The following PLEKHA3 variants were observed in gnomAD, a reference collection of about 807,000 sequenced individuals.
The protein encoded by PLEKHA3 is pleckstrin homology domain containing A3, also known as pleckstrin homology domain-containing family A member 3.
A neutral mutation model predicts 39.2 loss-of-function variants in PLEKHA3; 19 were observed. That is an observed-to-expected ratio of 0.48 (90% CI 0.34 to 0.71). The LOEUF is 0.71. Among genes scored for constraint, PLEKHA3 ranks in the 30% least tolerant of loss-of-function variants. The pLI, the probability that PLEKHA3 is intolerant of heterozygous loss-of-function variation, is 0.01. For missense variants in PLEKHA3, 253 were observed against 359.5 expected (o/e 0.70, Z 2.40); for synonymous variants, 97 against 118.6 (o/e 0.82, Z 1.18).
At chr2:178,493,007 A>T (rs1685377859) in intron 3 of PLEKHA3, among the ~76,000 whole-genome samples, 1 of 152,254 alleles carries the variant, frequency 6.6e-6, no homozygotes, top group Non-Finnish European at 1.5e-5. Context: ...AAATGCGCAG[A>T]TAGAGCTGCT....
chr2:178,515,319 C>T lies in PLEKHA3; in HGVS notation c.*11432C>T, dbSNP rs1456697679. On this transcript the variant is annotated 3_prime_UTR_variant, in exon 8 of 8. Coordinates refer to ENST00000234453, the MANE Select transcript of PLEKHA3 (RefSeq NM_019091.4). The stretch of plus-strand genomic sequence containing the variant: ...TTTCCTTTCTACCTGTCCTGAAGAG[C>T]TCTTATGGAAATCATGGTTGAATGT... 1 of 152,040 alleles carries T rather than the reference C, an allele frequency of 6.6e-6. No individual in the cohort carries two copies. The highest frequency in any genetic ancestry group is 1.9e-4 in the East Asian group (1 of 5,192). The allele number at this position is 152,040 out of a possible 1,614,324, so 9.4% of individuals were successfully genotyped here.
rs1488367441 is a variant in PLEKHA3, at chr2:178,506,576, A to C, written c.*2689A>C. 1.3e-5 allele frequency: 2 copies of C among 152,208 alleles called. No individual in the cohort carries two copies. The highest frequency in any genetic ancestry group is 2.9e-5 in the Non-Finnish European group (2 of 68,032). 9.4% of individuals were successfully genotyped at this position (152,208 alleles called of 1,614,324 possible). On this transcript the variant is annotated 3_prime_UTR_variant, in exon 8 of 8. Transcript: ENST00000234453. The stretch of plus-strand genomic sequence containing the variant: ...TTGTAGTTTTTCAGTATGTATTATC[A>C]CATTTAGAAATGTAAAAATCACAAG...
rs1575151174 is a variant in PLEKHA3, at chr2:178,515,067, A to G, written c.*11180A>G. ...CTTTTTTTTTTTTTTTTTTTGTAGCATATGGCTTCCTCTACTGTATGTTGG... is the reference window on the plus strand; with the variant it reads ...CTTTTTTTTTTTTTTTTTTTGTAGCGTATGGCTTCCTCTACTGTATGTTGG... On this transcript the variant is annotated 3_prime_UTR_variant, in exon 8 of 8. Coordinates refer to ENST00000234453, the MANE Select transcript of PLEKHA3 (RefSeq NM_019091.4). 2 of 132,834 alleles carry G rather than the reference A, an allele frequency of 1.5e-5. No homozygotes were observed. Among genetic ancestry groups the G allele is most frequent in the Middle Eastern group, 8.2e-3 (2 of 244 alleles). 8.2% of individuals were successfully genotyped at this position (132,834 alleles called of 1,614,324 possible).
chr2:178,507,019 A>T lies in PLEKHA3; in HGVS notation c.*3132A>T, dbSNP rs1392737648. On this transcript the variant is annotated 3_prime_UTR_variant, in exon 8 of 8. Transcript: ENST00000234453. ...AATGTACATAGTTTGAAAAAATCAA[A>T]TAGAACTAAAAGGTTTATAGTGAAA... The T allele has an allele frequency of 6.6e-6, 1 of 152,162 alleles. No individual in the cohort carries two copies. The highest frequency in any genetic ancestry group is 1.5e-5 in the Non-Finnish European group (1 of 68,028). The allele number at this position is 152,162 out of a possible 1,614,324, so 9.4% of individuals were successfully genotyped here.
At chr2:178,498,447 A>G (rs1372317119) in intron 5 of PLEKHA3, among the ~76,000 whole-genome samples, 1 of 152,214 alleles carries the variant, frequency 6.6e-6, no homozygotes, top group East Asian at 1.9e-4. Context: ...GCTCATGTAT[A>G]CAAAAGCAAC....
In PLEKHA3 at chr2:178,516,223, G is replaced by A. The variant is rs1334348884; in HGVS notation, c.*12336G>A. Reference sequence around the variant, plus strand: ...TCTAAATTAACTTAGAAACCTAATAGCAAATACAGATTTTGATTGCTATAA... The same window carrying A: ...TCTAAATTAACTTAGAAACCTAATAACAAATACAGATTTTGATTGCTATAA... On this transcript the variant is annotated 3_prime_UTR_variant, in exon 8 of 8. Coordinates refer to ENST00000234453, the MANE Select transcript of PLEKHA3 (RefSeq NM_019091.4). The A allele has an allele frequency of 1.3e-5, 2 of 152,036 alleles. No homozygotes were observed. Among genetic ancestry groups the A allele is most frequent in the African/African-American group, 4.8e-5 (2 of 41,418 alleles). 9.4% of individuals were successfully genotyped at this position (152,036 alleles called of 1,614,324 possible). A position where few individuals can be genotyped will look rare whatever the true frequency, so the allele number is the denominator to read the frequency against.
chr2:178,495,728 G>C, intron 5 of PLEKHA3, 68 bp downstream of exon 5: 21 of 1,503,946 alleles, frequency 1.4e-5, no homozygotes, highest in Non-Finnish European at 1.9e-5. Flanking sequence ...TTTCATTTTG[G>C]TATTTATTTT....
intron 2 of PLEKHA3, among the ~76,000 whole-genome samples, chr2:178,486,825 AT>A (rs1480380415): frequency 6.6e-6 from 1 of 152,218 alleles, no homozygotes; most frequent in Non-Finnish European, 1.5e-5. Flanking sequence ...TAAAGCTGCC[AT>A]AAACATTCTT....
In PLEKHA3 at chr2:178,515,840, T is replaced by TG. The variant is rs1685754749; in HGVS notation, c.*11954dup. The TG allele has an allele frequency of 1.3e-5, 2 of 152,094 alleles. No homozygotes were observed. Among genetic ancestry groups the TG allele is most frequent in the African/African-American group, 4.8e-5 (2 of 41,442 alleles). 9.4% of individuals were successfully genotyped at this position (152,094 alleles called of 1,614,324 possible). On this transcript the variant is annotated 3_prime_UTR_variant, in exon 8 of 8. Transcript: ENST00000234453. Reference sequence around the variant, plus strand: ...TTTCACTTTTTTTCAGTTAACTAGTTGAATAGTATTTATCATTCACATTTG... The same window carrying TG: ...TTTCACTTTTTTTCAGTTAACTAGTTGGAATAGTATTTATCATTCACATTTG...
rs1206634301 is a variant in PLEKHA3 at position 178,511,871 on chromosome 2, T to A, written c.*7984T>A. 6.6e-6 allele frequency: 1 copy of A among 152,242 alleles called. No homozygotes were observed. Among genetic ancestry groups the A allele is most frequent in the African/African-American group, 2.4e-5 (1 of 41,452 alleles). 9.4% of individuals were successfully genotyped at this position (152,242 alleles called of 1,614,324 possible). On this transcript the variant is annotated 3_prime_UTR_variant, in exon 8 of 8. Transcript: ENST00000234453. ...CTGCCTCTTCTCCAAATACAGTAACTAATCTAGTATATTTTCATAGGATAG... is the reference window on the plus strand; with the variant it reads ...CTGCCTCTTCTCCAAATACAGTAACAAATCTAGTATATTTTCATAGGATAG...
intron 5 of PLEKHA3, among the ~76,000 whole-genome samples, chr2:178,497,465 C>T (rs1232136090): frequency 2.0e-5 from 3 of 152,138 alleles, no homozygotes; most frequent in East Asian, 3.9e-4. Context: ...CTCCTGACCT[C>T]GTGATCTGCC....
chr2:178,502,055 T>C (rs1445029202), intron 7 of PLEKHA3, among the ~76,000 whole-genome samples: 3 of 151,976 alleles, frequency 2.0e-5, no homozygotes, highest in East Asian at 3.9e-4. Context: ...GAATTCATAG[T>C]ATGGCTGAAA....
intron 5 of PLEKHA3, among the ~76,000 whole-genome samples, chr2:178,495,929 A>G (rs1685436624): frequency 1.3e-5 from 2 of 152,150 alleles, no homozygotes; most frequent in African/African-American, 4.8e-5. Context: ...CCCAGTGTCT[A>G]GGAAAATATT....
rs537716080 is a variant in PLEKHA3, at chr2:178,498,926, A to G, written c.616-285A>G. On this transcript the variant is annotated intron_variant, in intron 5 of 7. Transcript: ENST00000234453. ...GTTTTTTATATTTGTATACACACAC[A>G]TATATATGTATTATGTATAAAATTT... Among the ~76,000 whole-genome samples, 23 of 152,162 alleles carry G rather than the reference A, an allele frequency of 1.5e-4. No individual in the cohort carries two copies. In the South Asian group the frequency reaches 4.6e-3, roughly 30 times the overall value.
rs369613369 is a variant in PLEKHA3 at position 178,503,936 on chromosome 2, C to A, written c.*49C>A. The stretch of plus-strand genomic sequence containing the variant: ...TCTAAGTATTGCTATGCAAAAGCTG[C>A]TGTAATTAAACTATTGTTATAGGGA... On this transcript the variant is annotated 3_prime_UTR_variant, in exon 8 of 8. Transcript: ENST00000234453. 1.2e-6 allele frequency: 2 copies of A among 1,600,564 alleles called. No homozygotes were observed. The highest frequency in any genetic ancestry group is 2.7e-5 in the African/African-American group (2 of 74,476).
At position 178,515,128 on chromosome 2, in the gene PLEKHA3, A is replaced by ATTTTT. The variant is rs200259546; in HGVS notation, c.*11250_*11254dup. Reference sequence around the variant, plus strand: ...TTTTGGGGATTTGACTCCTGCAGGTATTTTTTTTTTTTTCTTTTGGGGGAG... The same window carrying ATTTTT: ...TTTTGGGGATTTGACTCCTGCAGGTATTTTTTTTTTTTTTTTTTCTTTTGGGGGAG... On this transcript the variant is annotated 3_prime_UTR_variant, in exon 8 of 8. Coordinates refer to ENST00000234453, the MANE Select transcript of PLEKHA3 (RefSeq NM_019091.4). 1.1e-5 allele frequency: 1 copy of ATTTTT among 94,894 alleles called. No individual in the cohort carries two copies. Among genetic ancestry groups the ATTTTT allele is most frequent in the Admixed American group, 1.0e-4 (1 of 9,690 alleles). 5.9% of individuals were successfully genotyped at this position (94,894 alleles called of 1,614,324 possible).
At chr2:178,500,680 C>A (rs1685517161) in intron 6 of PLEKHA3, among the ~76,000 whole-genome samples, 2 of 152,056 alleles carry the variant, frequency 1.3e-5, no homozygotes, top group South Asian at 4.1e-4. Context: ...CCTTGCCCAT[C>A]TCTTTCAGTC....
At position 178,515,991 on chromosome 2, in the gene PLEKHA3, T is replaced by C. The variant is rs927942426; in HGVS notation, c.*12104T>C. ...TAGAAACATAAGCACATGAATTTTT[T>C]TGGCCTTTTAAATGTCTTTATTGTA... On this transcript the variant is annotated 3_prime_UTR_variant, in exon 8 of 8. Transcript: ENST00000234453. The C allele has an allele frequency of 9.9e-5, 15 of 151,794 alleles. No homozygotes were observed. The highest frequency in any genetic ancestry group is 7.2e-4 in the Admixed American group (11 of 15,252). The allele number at this position is 151,794 out of a possible 1,614,324, so 9.4% of individuals were successfully genotyped here.
At chr2:178,486,608 A>G (rs1685254282) in intron 2 of PLEKHA3, among the ~76,000 whole-genome samples, 1 of 152,180 alleles carries the variant, frequency 6.6e-6, no homozygotes. Context: ...TTAATGTTTT[A>G]TAAATGGAAT....
Sources: gnomAD v4.1 joint callset for allele counts (sites outside exome capture counted in the v4.1 genomes callset) on GRCh38, gnomAD v4.1.1 for gene constraint, MANE v1.5 for transcripts, NCBI Gene and HGNC (gene_info 2026-07-23, HGNC 2026-07-21) for gene names.